TPM3: variants seen among roughly 807,000 people sequenced by gnomAD.
The protein encoded by TPM3 is tropomyosin 3.
A neutral mutation model predicts 43.1 loss-of-function variants in TPM3; 16 were observed. The observed-to-expected ratio is 0.37, with a 90% CI of 0.25 to 0.56. The LOEUF is 0.56. Ranked by LOEUF, TPM3 falls within the 20% of genes least tolerant of loss-of-function variation. The pLI, the probability that TPM3 is intolerant of heterozygous loss-of-function variation, is 0.77. For synonymous variants in TPM3, 101 were observed against 116.9 expected (o/e 0.86, Z 0.88); for missense variants, 176 against 337.2 (o/e 0.52, Z 3.74).
Position 154,162,572 on chromosome 1 carries a change from G to T in TPM3, c.*5365C>A, listed in dbSNP as rs780814665. On this transcript the variant is annotated 3_prime_UTR_variant, in exon 10 of 10. Transcript: ENST00000651641. ...CATCTTATTCCTTATCTCAATGATG[G>T]TAACAAGGAAGGGCAAAATGGGCCT... Among the ~76,000 whole-genome samples the T allele has an allele frequency of 7.2e-5, 11 of 152,034 alleles. No individual in the cohort carries two copies. The highest frequency in any genetic ancestry group is 8.8e-5 in the Non-Finnish European group (6 of 68,010).
chr1:154,171,616 A>C, intron 5 of TPM3, 128 bp from the exon 6 acceptor site: 2 of 1,023,086 alleles, frequency 2.0e-6, no homozygotes, highest in Non-Finnish European at 3.0e-6. Context: ...TGGGGAAGAG[A>C]TGTTCCCAAG....
downstream of TPM3, chr1:154,158,924 G>A (rs545081357): frequency 2.6e-6 from 2 of 778,198 alleles, no homozygotes. Flanking sequence ...GGTCAGTGGT[G>A]TGAGCAGTAA....
intron 5 of TPM3, 24 bp from the exon 6 acceptor site, chr1:154,171,512 G>A (rs1356749192): frequency 1.9e-6 from 3 of 1,612,196 alleles, no homozygotes. Context: ...AAATACCACA[G>A]GAGAGGAAAA....
intron 3 of TPM3, 35 bp downstream of exon 3, chr1:154,176,080 T>A (rs774982963): frequency 1.9e-6 from 3 of 1,611,684 alleles, no homozygotes; most frequent in Non-Finnish European, 2.5e-6. Context: ...TTATGAACTT[T>A]TAAAATCCAC....
chr1:154,187,745 T>C (rs1368657415), intron 2 of TPM3, among the ~76,000 whole-genome samples: 1 of 151,612 alleles, frequency 6.6e-6, no homozygotes, highest in Non-Finnish European at 1.5e-5. Context: ...CTTGTTCTTT[T>C]TCTTGCTCCT....
intron 5 of TPM3, chr1:154,172,706 C>T: frequency 3.0e-6 from 2 of 659,680 alleles, no homozygotes; most frequent in South Asian, 1.8e-5. Context: ...AATAAGAAAG[C>T]CTCTTTTGTC....
At position 154,174,394 on chromosome 1, in the gene TPM3, A is replaced by G. The variant is rs1260047518; in HGVS notation, c.378-1193T>C. 1.7e-4 allele frequency among the ~76,000 whole-genome samples: 19 copies of G among 114,140 alleles called. 1 individual carries two copies. The highest frequency in any genetic ancestry group is 3.0e-4 in the Non-Finnish European group (17 of 56,368). The allele number at this position is 114,140 out of a possible 152,430, so 74.9% of individuals were successfully genotyped here. ...TATATATATATATATATATATATAT[A>G]TATATATATATATACACACAAAAAT... is the stretch of plus-strand genomic sequence containing the variant. On this transcript the variant is annotated intron_variant, in intron 3 of 9. Coordinates refer to ENST00000651641, the MANE Select transcript of TPM3 (RefSeq NM_152263.4).
At chr1:154,183,351 G>C in intron 2 of TPM3, 1 of 1,413,564 alleles carries the variant, frequency 7.1e-7, no homozygotes, top group South Asian at 1.4e-5. Context: ...CCTGGAGTAC[G>C]GCTCCCGGCC....
chr1:154,158,996 C>A, downstream of TPM3: 1 of 780,730 alleles, frequency 1.3e-6, no homozygotes, highest in Non-Finnish European at 2.4e-6. Flanking sequence ...GCAGCGTTAG[C>A]TTCAGCTCAT....
intron 2 of TPM3, among the ~76,000 whole-genome samples, chr1:154,182,189 C>G (rs1160093504): frequency 6.6e-6 from 1 of 152,210 alleles, no homozygotes; most frequent in Non-Finnish European, 1.5e-5. Flanking sequence ...AGGCCTGAAT[C>G]TGACAGAAGT....
Position 154,172,935 on chromosome 1 carries a change from G to C in TPM3, c.539C>G (p.Thr180Arg). 6.2e-7 allele frequency: 1 copy of C among 1,614,162 alleles called. No individual in the cohort carries two copies. Among genetic ancestry groups the C allele is most frequent in the Non-Finnish European group, 8.5e-7 (1 of 1,180,040 alleles). ...CTCTGCCAGCTCAGCTCGTTCCTCT[G>C]TGCGTTCCAAGTCTCCTTCAATGAT... ...LVIIEGDLER[T>R]EERAELAESK... is the part of the protein sequence containing the mutation. The change falls in exon 5 of 10, where the codon ACA becomes AGA. Residue 180 changes from threonine to arginine, a missense_variant. Thr to Arg is a moderately conservative substitution (Grantham distance 71). Transcript: ENST00000651641.
chr1:154,191,585 C>G (rs1663682696), intron 1 of TPM3: 4 of 1,369,730 alleles, frequency 2.9e-6, no homozygotes, highest in East Asian at 5.3e-5. Flanking sequence ...GCCCGTGATG[C>G]TATTTGAGTG....
chr1:154,179,525 T>C (rs1662706799), intron 2 of TPM3, among the ~76,000 whole-genome samples: 1 of 152,190 alleles, frequency 6.6e-6, no homozygotes, highest in African/African-American at 2.4e-5. Context: ...TTAAGGTTTT[T>C]GTTATTACTT....
rs189071523 is a variant in TPM3, at chr1:154,168,083, T to A, written c.855-143A>T. 4.0e-6 allele frequency: 5 copies of A among 1,247,152 alleles called. No individual in the cohort carries two copies. In the East Asian group the frequency reaches 7.5e-5, roughly 19 times the overall value. The allele number at this position is 1,247,152 out of a possible 1,614,324, so 77.3% of individuals were successfully genotyped here. On this transcript the variant is annotated intron_variant, in intron 9 of 9. Coordinates refer to ENST00000651641, the MANE Select transcript of TPM3 (RefSeq NM_152263.4). ...GCCAGACACTTCAGCCTGAGAAATG[T>A]GGCTTCTTTTCAGGGTTAGTGGGAA...
chr1:154,178,192 C>G (rs1013068284), intron 2 of TPM3: 2 of 984,508 alleles, frequency 2.0e-6, no homozygotes, highest in Non-Finnish European at 2.4e-6. Flanking sequence ...CCAGTAGTTA[C>G]CCAAACTGGA....
intron 2 of TPM3, chr1:154,178,116 C>T (rs879485219): frequency 2.0e-6 from 2 of 985,286 alleles, no homozygotes; most frequent in Non-Finnish European, 2.4e-6. Flanking sequence ...TGACTTACCC[C>T]CCTCAGACGA....
chr1:154,172,695 AAAT>A, intron 5 of TPM3: 1 of 635,600 alleles, frequency 1.6e-6, no homozygotes, highest in South Asian at 1.8e-5. Context: ...TACCAACAAA[AAAT>A]AAGAAAGCCT....
At chr1:154,191,083 CTG>C in intron 2 of TPM3, 101 bp downstream of exon 2, 1 of 1,569,300 alleles carries the variant, frequency 6.4e-7, no homozygotes, top group East Asian at 2.2e-5. Context: ...GTATATATGT[CTG>C]TGTTCCATGA....
chr1:154,161,131 TAAAAAAA>T (rs953940037), downstream of TPM3, among the ~76,000 whole-genome samples: 19 of 85,104 alleles, frequency 2.2e-4, no homozygotes, highest in East Asian at 6.5e-4. Flanking sequence ...ATGCAAATAT[TAAAAAAA>T]AAAAAAAAAA....
Sources: allele counts gnomAD v4.1 joint callset (sites outside exome capture counted in the v4.1 genomes callset), GRCh38; gene constraint gnomAD v4.1.1; transcripts MANE v1.5; gene names NCBI Gene and HGNC (gene_info 2026-07-23, HGNC 2026-07-21).